SNX18: variants seen among roughly 807,000 people sequenced by gnomAD.
SNX18 encodes the protein sorting nexin 18.
SNX18 carries 35 observed loss-of-function variants against 48.7 expected under a neutral mutation model. The observed-to-expected ratio is 0.72, with a 90% CI of 0.55 to 0.95. The LOEUF is 0.95. SNX18 is among the 40% of genes least tolerant of loss of function. The pLI is 0.00. For synonymous variants in SNX18, 492 were observed against 384.7 expected, an observed-to-expected ratio of 1.28 and a Z score of -3.26; for missense variants, 824 against 871.0, an observed-to-expected ratio of 0.95 and a Z score of 0.68.
Position 54,518,348 on chromosome 5 carries a change from C to A in SNX18, c.396C>A (p.Ala132=). The A allele has an allele frequency of 6.5e-7, 1 of 1,529,236 alleles. No homozygotes were observed. Among genetic ancestry groups the A allele is most frequent in the Non-Finnish European group, 8.8e-7 (1 of 1,141,082 alleles). The allele number at this position is 1,529,236 out of a possible 1,614,324, so 94.7% of individuals were successfully genotyped here. The change falls in exon 1 of 2, where the codon GCC becomes GCA. Residue 132 remains alanine, a synonymous_variant. Transcript: ENST00000381410. ...PGAGFPYGGG[A]LQPSPQQLYG... ...CGGGCTTCCCGTACGGCGGGGGCGC[C>A]CTGCAGCCGTCGCCTCAGCAGCTCT...
the SNX18 span, chr5:54,645,255 T>C: frequency 6.6e-6 from 1 of 152,222 alleles, no homozygotes; most frequent in Admixed American, 6.5e-5. Context: ...AATTAGGTAA[T>C]TGATGTTCCA....
intron 1 of SNX18, among the ~76,000 whole-genome samples, chr5:54,523,016 G>A (rs1287337832): frequency 6.6e-6 from 1 of 152,090 alleles, no homozygotes; most frequent in East Asian, 1.9e-4. Context: ...TACATTAGAT[G>A]GGAATTCAGA....
the SNX18 span, among the ~76,000 whole-genome samples, chr5:54,574,566 T>C: frequency 6.6e-6 from 1 of 152,100 alleles, no homozygotes. Context: ...TTTATTACTA[T>C]GGAAAAAAGG....
chr5:54,570,770 A>G, the SNX18 span, among the ~76,000 whole-genome samples: 533 of 152,360 alleles, frequency 3.5e-3, 4 homozygotes, highest in African/African-American at 0.012. Flanking sequence ...TAAGGATATT[A>G]AGGATTTTAA....
rs1472907497 is a variant in SNX18, at chr5:54,519,541, C to T, written c.1589C>T (p.Ala530Val). 1.2e-6 allele frequency: 2 copies of T among 1,614,092 alleles called. No homozygotes were observed. The highest frequency in any genetic ancestry group is 1.7e-6 in the Non-Finnish European group (2 of 1,180,046). The change falls in exon 1 of 2, where the codon GCT (alanine) becomes GTT (valine). Residue 530 changes from alanine to valine, a missense_variant. By Grantham distance (64) the Ala-to-Val change is moderately conservative. This residue lies in a region of SNX18 where 443 missense variants were observed against 503.6 expected (regional missense o/e 0.88). Coordinates refer to ENST00000381410, the MANE Select transcript of SNX18 (RefSeq NM_001102575.2). ...DLLALYQGHL[A>V]NFPDIIHVQK... ...TTAGCGCTGTATCAGGGGCATCTGG[C>T]TAACTTCCCGGACATCATCCACGTT... is the stretch of plus-strand genomic sequence containing the variant.
chr5:54,553,422 A>G, the SNX18 span, among the ~76,000 whole-genome samples: 1 of 152,022 alleles, frequency 6.6e-6, no homozygotes, highest in Admixed American at 6.5e-5. Flanking sequence ...CCATGTCCCC[A>G]GTCTTGGCAA....
At chr5:54,555,702 C>G in the SNX18 span, among the ~76,000 whole-genome samples, 1 of 151,798 alleles carries the variant, frequency 6.6e-6, no homozygotes, top group African/African-American at 2.4e-5. Flanking sequence ...TGGCACATGC[C>G]CGTAGTCCCA....
In SNX18 at chr5:54,519,413, G is replaced by A; in HGVS notation, c.1461G>A (p.Val487=). Residue 487 remains valine, a synonymous_variant, in exon 1 of 2, where the codon GTG becomes GTA. Coordinates refer to ENST00000381410, the MANE Select transcript of SNX18 (RefSeq NM_001102575.2). ...AGCTGGACCAGCAGGCCTTCTCGGT[G>A]GGCCTGAACCAGGCTATCGCCTTCA... The part of the protein sequence containing the change: ...AFELDQQAFS[V]GLNQAIAFTG... The A allele has an allele frequency of 6.2e-7, 1 of 1,613,610 alleles. No individual in the cohort carries two copies. Among genetic ancestry groups the A allele is most frequent in the South Asian group, 1.1e-5 (1 of 91,086 alleles).
the SNX18 span, among the ~76,000 whole-genome samples, chr5:54,591,073 T>C: frequency 1.3e-5 from 2 of 152,184 alleles, no homozygotes; most frequent in African/African-American, 4.8e-5. Context: ...TCAGAAGCAC[T>C]GTCAGCTTCC....
intron 1 of SNX18, among the ~76,000 whole-genome samples, chr5:54,523,208 T>G (rs1762065120): frequency 2.0e-5 from 3 of 152,182 alleles, no homozygotes; most frequent in African/African-American, 7.2e-5. Context: ...TCCCTCCTTA[T>G]CATGCCTGTC....
chr5:54,606,324 T>TCATC, the SNX18 span, among the ~76,000 whole-genome samples: 1 of 152,248 alleles, frequency 6.6e-6, no homozygotes, highest in Admixed American at 6.5e-5. Flanking sequence ...TGCTATTGAT[T>TCATC]CATCTATCAT....
At chr5:54,637,735 T>G in the SNX18 span, among the ~76,000 whole-genome samples, 1 of 152,168 alleles carries the variant, frequency 6.6e-6, no homozygotes. Context: ...GGTAATCCCC[T>G]GCATAACAAC....
the SNX18 span, among the ~76,000 whole-genome samples, chr5:54,639,580 G>A: frequency 0.047 from 6,923 of 148,508 alleles, 213 homozygotes; most frequent in Non-Finnish European, 0.071. Context: ...AATGCTAGGA[G>A]GTAAGGACTA....
At chr5:54,591,357 G>C in the SNX18 span, among the ~76,000 whole-genome samples, 1 of 151,994 alleles carries the variant, frequency 6.6e-6, no homozygotes. Context: ...TTTTTAAATT[G>C]TATTATTACT....
At chr5:54,614,225 GA>G in the SNX18 span, among the ~76,000 whole-genome samples, 1 of 152,130 alleles carries the variant, frequency 6.6e-6, no homozygotes, top group African/African-American at 2.4e-5. Flanking sequence ...TTTGGAGCTG[GA>G]ATCTGCAATT....
At chr5:54,632,238 A>G in the SNX18 span, among the ~76,000 whole-genome samples, 3 of 152,212 alleles carry the variant, frequency 2.0e-5, no homozygotes, top group African/African-American at 7.2e-5. Context: ...CTTTCTTAGC[A>G]TAGCTTCCCA....
At chr5:54,637,213 G>A in the SNX18 span, among the ~76,000 whole-genome samples, 1 of 152,066 alleles carries the variant, frequency 6.6e-6, no homozygotes, top group East Asian at 1.9e-4. Flanking sequence ...GTATCAGAAT[G>A]GAGAGAAGAA....
chr5:54,531,259 C>T (rs1010084224), intron 1 of SNX18, among the ~76,000 whole-genome samples: 3 of 151,926 alleles, frequency 2.0e-5, no homozygotes, highest in African/African-American at 7.3e-5. Flanking sequence ...CCTGGTGAGG[C>T]GCTGGCTCTC....
the SNX18 span, among the ~76,000 whole-genome samples, chr5:54,623,794 G>A: frequency 6.6e-6 from 1 of 152,118 alleles, no homozygotes; most frequent in Non-Finnish European, 1.5e-5. Flanking sequence ...TTTTTGAAGG[G>A]AGAAATATGT....
Sources: allele counts gnomAD v4.1 joint callset (sites outside exome capture counted in the v4.1 genomes callset), GRCh38; gene constraint gnomAD v4.1.1; regional missense constraint gnomAD v4.1.1; transcripts MANE v1.5; gene names NCBI Gene and HGNC (gene_info 2026-07-23, HGNC 2026-07-21).